Variants in ZNF532 observed in about 807,000 individuals in gnomAD.
ZNF532 encodes zinc finger protein 532.
Under a neutral mutation model 89.3 loss-of-function variants are expected in ZNF532, and 22 were observed. The observed-to-expected ratio is 0.25, with a 90% confidence interval of 0.18 to 0.35. The LOEUF (loss-of-function observed/expected upper bound fraction) is 0.35. Ranked by LOEUF, ZNF532 falls within the 10% of genes least tolerant of loss-of-function variation. The pLI is 1.00. For synonymous variants in ZNF532, 606 were observed against 649.6 expected, an observed-to-expected ratio of 0.93 and a Z score of 1.02; for missense variants, 1,132 against 1,643.4, an observed-to-expected ratio of 0.69 and a Z score of 5.38.
Position 58,979,093 on chromosome 18 carries a change from T to G in ZNF532, c.3189T>G (p.Ser1063=). Residue 1063 remains serine, a synonymous_variant, in exon 8 of 10, where the codon TCT becomes TCG. Transcript: ENST00000591808. The stretch of plus-strand genomic sequence containing the variant: ...ACCCCTGCCGCCAGTGTGACAAGTC[T>G]TTCAGCTCGTCCCACAGCCTGTGCC... ...KKHPCRQCDK[S]FSSSHSLCRH... is the part of the protein sequence containing the mutation. 6.2e-7 allele frequency: 1 copy of G among 1,613,212 alleles called. No individual in the cohort carries two copies. The highest frequency in any genetic ancestry group is 8.5e-7 in the Non-Finnish European group (1 of 1,179,210).
chr18:58,888,738 A>ATTT lies in ZNF532; in HGVS notation c.-18+23160_-18+23161insTTT, dbSNP rs1568245336. ...ATATATATATATAAATTATATATAT[A>ATTT]TATTTTATATATATATAAAATTAAT... On this transcript the variant is annotated intron_variant, in intron 2 of 9. Coordinates refer to ENST00000591808, the MANE Select transcript of ZNF532 (RefSeq NM_001375912.1). Among the ~76,000 whole-genome samples, 64 of 51,550 alleles carry ATTT rather than the reference A, an allele frequency of 1.2e-3. 4 individuals are homozygous for ATTT. The highest frequency in any genetic ancestry group is 4.4e-3 in the East Asian group (4 of 908). 33.8% of individuals were successfully genotyped at this position (51,550 alleles called of 152,430 possible). A position where few individuals can be genotyped will look rare whatever the true frequency, so the allele number is the denominator to read the frequency against.
At chr18:58,888,944 A>ATT (rs2058698788) in intron 2 of ZNF532, among the ~76,000 whole-genome samples, 1 of 114,544 alleles carries the variant, frequency 8.7e-6, no homozygotes, top group Non-Finnish European at 1.7e-5. Context: ...CCTTATCCGT[A>ATT]ATGCTTGGGA....
At chr18:58,930,498 C>A (rs910805839) in intron 3 of ZNF532, among the ~76,000 whole-genome samples, 3 of 151,972 alleles carry the variant, frequency 2.0e-5, no homozygotes, top group Non-Finnish European at 4.4e-5. Context: ...CATGGCGGTG[C>A]GTGCCTGCAG....
chr18:58,924,132 T>C (rs2061346700), intron 3 of ZNF532, among the ~76,000 whole-genome samples: 2 of 152,208 alleles, frequency 1.3e-5, no homozygotes, highest in East Asian at 1.9e-4. Context: ...GCTGGGATTA[T>C]AGGTGTGATC....
chr18:58,904,551 A>C (rs184144382), intron 2 of ZNF532, among the ~76,000 whole-genome samples: 1 of 152,152 alleles, frequency 6.6e-6, no homozygotes, highest in South Asian at 2.1e-4. Flanking sequence ...TTGTTAGACG[A>C]TACCTGAAGG....
At chr18:58,959,734 T>C (rs753152719) in intron 7 of ZNF532, among the ~76,000 whole-genome samples, 8 of 152,176 alleles carry the variant, frequency 5.3e-5, no homozygotes, top group African/African-American at 1.9e-4. Context: ...AATGGAAATA[T>C]TTACCACCTA....
chr18:58,921,076 G>A (rs1051040275), intron 3 of ZNF532, among the ~76,000 whole-genome samples: 1 of 151,656 alleles, frequency 6.6e-6, no homozygotes, highest in Non-Finnish European at 1.5e-5. Flanking sequence ...GCATTGGGGC[G>A]AGATCATATC....
chr18:58,888,739 TATTTTATATATATATAA>T (rs2058527606), intron 2 of ZNF532, among the ~76,000 whole-genome samples: 1 of 46,848 alleles, frequency 2.1e-5, no homozygotes, highest in Non-Finnish European at 3.1e-5. Context: ...TATATATATA[TATTTTATATATATATAA>T]AATTAATATA....
At chr18:58,972,930 G>A (rs1199276917) in intron 7 of ZNF532, among the ~76,000 whole-genome samples, 1 of 152,116 alleles carries the variant, frequency 6.6e-6, no homozygotes, top group Non-Finnish European at 1.5e-5. Context: ...ACTGTTTTCT[G>A]ATGCAGAGAT....
chr18:58,871,722 C>T (rs991184867), intron 2 of ZNF532, among the ~76,000 whole-genome samples: 1 of 152,192 alleles, frequency 6.6e-6, no homozygotes, highest in African/African-American at 2.4e-5. Context: ...GTTTGAGGTA[C>T]ACTCAGGGCC....
intron 2 of ZNF532, among the ~76,000 whole-genome samples, chr18:58,869,194 G>A (rs1002346008): frequency 6.6e-6 from 1 of 152,152 alleles, no homozygotes; most frequent in Non-Finnish European, 1.5e-5. Flanking sequence ...ATACATAAGA[G>A]TTAGAAGTTT....
chr18:58,890,304 C>T (rs2058797111), intron 2 of ZNF532, among the ~76,000 whole-genome samples: 1 of 151,562 alleles, frequency 6.6e-6, no homozygotes, highest in Admixed American at 6.6e-5. Context: ...ATATATAACT[C>T]TTAAGTAAAA....
chr18:58,903,591 A>G (rs2059738030), intron 2 of ZNF532, among the ~76,000 whole-genome samples: 1 of 152,196 alleles, frequency 6.6e-6, no homozygotes, highest in Non-Finnish European at 1.5e-5. Context: ...AAATAGCGCC[A>G]GGGAAGTGGG....
rs1440613870 is a variant in ZNF532, at chr18:58,985,193, G to A, written c.*727G>A. 6.6e-6 allele frequency: 1 copy of A among 152,064 alleles called. No homozygotes were observed. Among genetic ancestry groups the A allele is most frequent in the Admixed American group, 6.5e-5 (1 of 15,274 alleles). 9.4% of individuals were successfully genotyped at this position (152,064 alleles called of 1,614,324 possible). A position where few individuals can be genotyped will look rare whatever the true frequency, so the allele number is the denominator to read the frequency against. The stretch of plus-strand genomic sequence containing the variant: ...GAGGAATGGGGAAGGCTATTCTAAA[G>A]AAAAAAATGGGATTTGTTTTCTCGG... On this transcript the variant is annotated 3_prime_UTR_variant, in exon 10 of 10. Coordinates refer to ENST00000591808, the MANE Select transcript of ZNF532 (RefSeq NM_001375912.1).
chr18:58,942,349 C>CCCTT (rs1179053195), intron 5 of ZNF532, among the ~76,000 whole-genome samples: 2,857 of 42,750 alleles, frequency 0.067, 152 homozygotes, highest in Non-Finnish European at 0.081. Context: ...CTCCCTCCCT[C>CCCTT]CCTTCCTTCC....
chr18:58,887,692 C>CGTTTTGGA (rs2058398466), intron 2 of ZNF532, among the ~76,000 whole-genome samples: 1 of 152,146 alleles, frequency 6.6e-6, no homozygotes, highest in African/African-American at 2.4e-5. Flanking sequence ...ACAGAACCCC[C>CGTTTTGGA]ACGCTCACAG....
intron 2 of ZNF532, among the ~76,000 whole-genome samples, chr18:58,915,638 C>T (rs1218683062): frequency 1.3e-5 from 2 of 152,212 alleles, no homozygotes; most frequent in South Asian, 2.1e-4. Context: ...GCTGTGCATG[C>T]GTTTATAAAT....
chr18:58,920,477 T>A lies in ZNF532; in HGVS notation c.2190T>A (p.Ala730=). ...GCATAACTGGGACAGTCATATCGGC[T>A]CCTTCAAGCACTCCCATCACCCCAG... ...QSGITGTVIS[A]PSSTPITPAM... Residue 730 remains alanine, a synonymous_variant, in exon 3 of 10, where the codon GCT becomes GCA. Coordinates refer to ENST00000591808, the MANE Select transcript of ZNF532 (RefSeq NM_001375912.1). 6.2e-7 allele frequency: 1 copy of A among 1,613,884 alleles called. No individual in the cohort carries two copies. The highest frequency in any genetic ancestry group is 1.1e-5 in the South Asian group (1 of 91,056).
intron 2 of ZNF532, among the ~76,000 whole-genome samples, chr18:58,899,439 T>G (rs1477353888): frequency 6.6e-6 from 1 of 152,148 alleles, no homozygotes; most frequent in Non-Finnish European, 1.5e-5. Context: ...CCTCTCTGCA[T>G]TTCCTCTTTC....
Sources: allele counts gnomAD v4.1 joint callset (sites outside exome capture counted in the v4.1 genomes callset), GRCh38; gene constraint gnomAD v4.1.1; transcripts MANE v1.5; gene names NCBI Gene and HGNC (gene_info 2026-07-23, HGNC 2026-07-21).